PRKCA: variants seen among roughly 807,000 people sequenced by gnomAD.
PRKCA encodes the protein protein kinase C alpha.
PRKCA carries 27 observed loss-of-function variants against 87.0 expected under a neutral mutation model. That is an observed-to-expected ratio of 0.31 (90% CI 0.23 to 0.43). The LOEUF (loss-of-function observed/expected upper bound fraction) is 0.43. Among genes scored for constraint, PRKCA ranks in the 20% least tolerant of loss-of-function variants. The pLI is 1.00. For missense variants in PRKCA, 518 were observed against 852.3 expected (o/e 0.61, Z 4.88); for synonymous variants, 329 against 311.1 (o/e 1.06, Z -0.61).
At chr17:66,373,695 A>G (rs1881666109) in intron 2 of PRKCA, among the ~76,000 whole-genome samples, 1 of 152,242 alleles carries the variant, frequency 6.6e-6, no homozygotes, top group African/African-American at 2.4e-5. Context: ...AGGGATTTAC[A>G]TAGGGACAAT....
chr17:66,523,904 A>C (rs1277082270), intron 3 of PRKCA, among the ~76,000 whole-genome samples: 1 of 152,320 alleles, frequency 6.6e-6, no homozygotes, highest in East Asian at 1.9e-4. Flanking sequence ...CTGACTAATT[A>C]CTATTTATAG....
At position 66,718,130 on chromosome 17, in the gene PRKCA, C is replaced by G. The variant is rs576500235; in HGVS notation, c.919-14558C>G. On this transcript the variant is annotated intron_variant, in intron 8 of 16. Coordinates refer to ENST00000413366, the MANE Select transcript of PRKCA (RefSeq NM_002737.3). ...CCACTCGGGCTGCTATAGCAAAATA[C>G]CATAAACTGCATGGCTTACAAACTG... Among the ~76,000 whole-genome samples, 106 of 152,250 alleles carry G rather than the reference C, an allele frequency of 7.0e-4. 1 individual carries two copies. The South Asian group carries it at 7.7e-3, about 11-fold the overall frequency.
chr17:66,512,780 C>T (rs562215634), intron 3 of PRKCA, among the ~76,000 whole-genome samples: 3 of 152,260 alleles, frequency 2.0e-5, no homozygotes, highest in Non-Finnish European at 4.4e-5. Flanking sequence ...GCAACTTCCA[C>T]CTCCCAGGTT....
chr17:66,731,775 C>CTTTTTTT (rs796884841), intron 8 of PRKCA, among the ~76,000 whole-genome samples: 1 of 71,420 alleles, frequency 1.4e-5, no homozygotes, highest in Non-Finnish European at 2.6e-5. Flanking sequence ...TGCTCCCTTT[C>CTTTTTTT]TTTTTTTTTT....
At chr17:66,700,950 A>T (rs1973044584) in intron 8 of PRKCA, among the ~76,000 whole-genome samples, 2 of 152,172 alleles carry the variant, frequency 1.3e-5, no homozygotes. Context: ...AGGAAAAAAT[A>T]ATCCCAGAAT....
chr17:66,390,644 T>C (rs6504420), intron 2 of PRKCA, among the ~76,000 whole-genome samples: 120,447 of 152,110 alleles, frequency 0.79, 48,186 homozygotes, highest in South Asian at 0.87. Context: ...CACCATTGGT[T>C]CCCAAAAGGT....
chr17:66,540,424 T>G (rs529011853), intron 3 of PRKCA, among the ~76,000 whole-genome samples: 1 of 152,130 alleles, frequency 6.6e-6, no homozygotes, highest in African/African-American at 2.4e-5. Context: ...GTTTTGCTGC[T>G]TTGGGGGTGA....
intron 2 of PRKCA, among the ~76,000 whole-genome samples, chr17:66,438,331 A>G (rs1913524287): frequency 7.2e-6 from 1 of 139,720 alleles, no homozygotes; most frequent in Non-Finnish European, 1.7e-5. Flanking sequence ...GTCTCTTGCC[A>G]TGGGTAGCTC....
chr17:66,509,176 GTA>G (rs1475130941), intron 3 of PRKCA, among the ~76,000 whole-genome samples: 14 of 115,502 alleles, frequency 1.2e-4, no homozygotes, highest in African/African-American at 3.0e-4. Context: ...GTGTGTGTGT[GTA>G]TGTGTGTGTG....
chr17:66,306,410 T>C, intron 2 of PRKCA: 1 of 333,000 alleles, frequency 3.0e-6, no homozygotes, highest in Non-Finnish European at 5.4e-6. Flanking sequence ...GTGTGGGTGT[T>C]GAGAAAAAAA....
intron 2 of PRKCA, among the ~76,000 whole-genome samples, chr17:66,389,423 A>G (rs549691680): frequency 2.6e-5 from 4 of 152,324 alleles, no homozygotes; most frequent in Admixed American, 2.6e-4. Context: ...CTCTGTGACC[A>G]GAGTGGCTCT....
chr17:66,355,283 A>G (rs1262402663), intron 2 of PRKCA, among the ~76,000 whole-genome samples: 1 of 152,204 alleles, frequency 6.6e-6, no homozygotes, highest in Admixed American at 6.5e-5. Context: ...GTATGTGCTA[A>G]TGAAAACTCA....
intron 2 of PRKCA, among the ~76,000 whole-genome samples, chr17:66,308,820 A>G (rs1017715635): frequency 6.6e-6 from 1 of 152,206 alleles, no homozygotes; most frequent in African/African-American, 2.4e-5. Flanking sequence ...TCCTACCGCA[A>G]AATTAATCTT....
chr17:66,804,068 GC>G lies in PRKCA; in HGVS notation c.*36del, dbSNP rs773328333. ...ACCAGCGAGAACAAACACCTCCCCAGCCCCCAGCCCTCCCCGCAGTGGGAAG... is the reference window on the plus strand; with the variant it reads ...ACCAGCGAGAACAAACACCTCCCCAGCCCCAGCCCTCCCCGCAGTGGGAAG... On this transcript the variant is annotated 3_prime_UTR_variant, in exon 17 of 17. Transcript: ENST00000413366. 4.4e-6 allele frequency: 7 copies of G among 1,585,326 alleles called. No homozygotes were observed. The highest frequency in any genetic ancestry group is 1.7e-5 in the Admixed American group (1 of 59,010).
intron 14 of PRKCA, chr17:66,775,571 C>T: frequency 1.0e-6 from 1 of 985,356 alleles, no homozygotes; most frequent in Non-Finnish European, 1.2e-6. Context: ...TTTATAATTC[C>T]CAGCACTCAC....
At chr17:66,311,724 T>C (rs1905094016) in intron 2 of PRKCA, among the ~76,000 whole-genome samples, 1 of 152,226 alleles carries the variant, frequency 6.6e-6, no homozygotes, top group African/African-American at 2.4e-5. Context: ...TAGATAAAAC[T>C]AGTGTTGAGT....
rs892227186 is a variant in PRKCA at position 66,487,244 on chromosome 17, C to T, written c.206-8957C>T. Among the ~76,000 whole-genome samples the T allele has an allele frequency of 1.2e-3, 186 of 152,288 alleles. 3 individuals are homozygous for T. The highest frequency in any genetic ancestry group is 9.6e-3 in the Admixed American group (147 of 15,300). On this transcript the variant is annotated intron_variant, in intron 2 of 16. Transcript: ENST00000413366. ...ACCTCTGTGAGATCTACTTTTTTAG[C>T]TCCCACATATGAGTGAGAGCATATG...
chr17:66,432,099 A>G (rs1001479221), intron 2 of PRKCA, among the ~76,000 whole-genome samples: 68 of 152,282 alleles, frequency 4.5e-4, no homozygotes, highest in Non-Finnish European at 7.5e-4. Flanking sequence ...AACAAGGTAA[A>G]TTTATTACTC....
In PRKCA at chr17:66,306,135, A is replaced by G. The variant is rs766754403; in HGVS notation, c.205+8A>G. 3.1e-6 allele frequency: 5 copies of G among 1,611,298 alleles called. No homozygotes were observed. The highest frequency in any genetic ancestry group is 4.2e-6 in the Non-Finnish European group (5 of 1,178,914). On this transcript the variant is annotated splice_region_variant and intron_variant, in intron 2 of 16. Coordinates refer to ENST00000413366, the MANE Select transcript of PRKCA (RefSeq NM_002737.3). ...AAGGCTTCCAGTGCCAAGGTAAGCT[A>G]CCACTTTTGGTTTTATTTTCAAGCA...
Sources: allele counts gnomAD v4.1 joint callset (sites outside exome capture counted in the v4.1 genomes callset), GRCh38; gene constraint gnomAD v4.1.1; transcripts MANE v1.5; gene names NCBI Gene and HGNC (gene_info 2026-07-23, HGNC 2026-07-21).